LRRTM4: variants seen among roughly 807,000 people sequenced by gnomAD.
LRRTM4 encodes leucine rich repeat transmembrane neuronal 4.
A neutral mutation model predicts 47.6 loss-of-function variants in LRRTM4; 25 were observed. The observed-to-expected ratio is 0.53, with a 90% CI of 0.38 to 0.73. LRRTM4 has a LOEUF of 0.73. Ranked by LOEUF, LRRTM4 falls within the 30% of genes least tolerant of loss-of-function variation. The probability of loss-of-function intolerance (pLI) is 0.00; values close to 1 mark genes in which losing one functional copy is unlikely to be tolerated. For synonymous variants in LRRTM4, 311 were observed against 269.5 expected (o/e 1.15, Z -1.51); for missense variants, 638 against 713.4 (o/e 0.89, Z 1.20).
At chr2:77,021,855 ATTGT>A (rs1678283160) in intron 3 of LRRTM4, among the ~76,000 whole-genome samples, 1 of 152,192 alleles carries the variant, frequency 6.6e-6, no homozygotes, top group Non-Finnish European at 1.5e-5. Flanking sequence ...ATACACATAC[ATTGT>A]TTAATGATTG....
chr2:77,087,786 A>G (rs1680773214), intron 3 of LRRTM4, among the ~76,000 whole-genome samples: 6 of 152,250 alleles, frequency 3.9e-5, no homozygotes, highest in Admixed American at 3.3e-4. Context: ...TATGTAAAAT[A>G]AAATGTATAC....
intron 3 of LRRTM4, among the ~76,000 whole-genome samples, chr2:77,273,940 G>C (rs1676271559): frequency 6.6e-6 from 1 of 152,022 alleles, no homozygotes; most frequent in Non-Finnish European, 1.5e-5. Context: ...TCAGTAGTTA[G>C]AAAATTCTTA....
intron 3 of LRRTM4, among the ~76,000 whole-genome samples, chr2:77,218,675 G>C (rs528478372): frequency 6.6e-6 from 1 of 152,034 alleles, no homozygotes; most frequent in African/African-American, 2.4e-5. Flanking sequence ...ATCCTTCCTT[G>C]GTGGCATTAT....
chr2:76,833,739 T>C (rs1295006106), intron 3 of LRRTM4, among the ~76,000 whole-genome samples: 1 of 151,870 alleles, frequency 6.6e-6, no homozygotes, highest in Non-Finnish European at 1.5e-5. Flanking sequence ...ATGCTCAATG[T>C]AAAACATGTG....
intron 3 of LRRTM4, among the ~76,000 whole-genome samples, chr2:77,109,884 C>A (rs1252423341): frequency 1.3e-5 from 2 of 151,700 alleles, no homozygotes; most frequent in Non-Finnish European, 2.9e-5. Flanking sequence ...AGACAAATGT[C>A]TTAAAGAACA....
chr2:77,089,235 GTCT>G (rs920607953), intron 3 of LRRTM4, among the ~76,000 whole-genome samples: 5 of 60,162 alleles, frequency 8.3e-5, no homozygotes, highest in Admixed American at 1.6e-4. Context: ...CGAACCCCTT[GTCT>G]TCTTGTCTCT....
chr2:77,429,584 T>C (rs1441688083), intron 3 of LRRTM4, among the ~76,000 whole-genome samples: 1 of 152,126 alleles, frequency 6.6e-6, no homozygotes, highest in East Asian at 1.9e-4. Flanking sequence ...ATAACTTTAA[T>C]TGAAATAAGC....
At chr2:76,920,676 C>T (rs1364557925) in intron 3 of LRRTM4, among the ~76,000 whole-genome samples, 2 of 152,098 alleles carry the variant, frequency 1.3e-5, no homozygotes, top group East Asian at 3.9e-4. Flanking sequence ...TGTCTAAATA[C>T]AGAATAATGC....
chr2:77,241,047 G>A (rs2103989957), intron 3 of LRRTM4, among the ~76,000 whole-genome samples: 1 of 151,994 alleles, frequency 6.6e-6, no homozygotes, highest in African/African-American at 2.4e-5. Flanking sequence ...AAATAAAATT[G>A]AGAAGATGAT....
At chr2:77,333,643 G>A (rs940659739) in intron 3 of LRRTM4, among the ~76,000 whole-genome samples, 2 of 152,212 alleles carry the variant, frequency 1.3e-5, no homozygotes, top group African/African-American at 2.4e-5. Flanking sequence ...GTATGGAAAT[G>A]CCTGGATGTC....
rs774697360 is a variant in LRRTM4, at chr2:77,306,897, A to ATTTTTTTTTTTTTT, written c.1551+211407_1551+211420dup. ...AAATAGCTATATACTGCTTTTCCATATTTTTTTTTTTTTTTTTTTTGAGAT... is the reference window on the plus strand; with the variant it reads ...AAATAGCTATATACTGCTTTTCCATATTTTTTTTTTTTTTTTTTTTTTTTTTTTTTTTTTGAGAT... On this transcript the variant is annotated intron_variant, in intron 3 of 3. Coordinates refer to ENST00000409884, the MANE Select transcript of LRRTM4 (RefSeq NM_001134745.3). Among the ~76,000 whole-genome samples the ATTTTTTTTTTTTTT allele has an allele frequency of 1.3e-3, 147 of 112,396 alleles. 13 individuals are homozygous for ATTTTTTTTTTTTTT. Among genetic ancestry groups the ATTTTTTTTTTTTTT allele is most frequent in the African/African-American group, 5.6e-3 (129 of 23,116 alleles). 73.7% of individuals were successfully genotyped at this position (112,396 alleles called of 152,430 possible). A position where few individuals can be genotyped will look rare whatever the true frequency, so the allele number is the denominator to read the frequency against.
chr2:77,241,582 AACC>A (rs1675268421), intron 3 of LRRTM4, among the ~76,000 whole-genome samples: 1 of 151,934 alleles, frequency 6.6e-6, no homozygotes, highest in Non-Finnish European at 1.5e-5. Flanking sequence ...AAAAGAAAAT[AACC>A]TATTGAATAG....
At chr2:77,127,281 T>C (rs1183298232) in intron 3 of LRRTM4, among the ~76,000 whole-genome samples, 1 of 152,222 alleles carries the variant, frequency 6.6e-6, no homozygotes, top group East Asian at 1.9e-4. Context: ...TTAAATACTC[T>C]GTTACATGGC....
intron 3 of LRRTM4, among the ~76,000 whole-genome samples, chr2:76,797,070 A>G (rs970415179): frequency 6.6e-6 from 1 of 152,140 alleles, no homozygotes; most frequent in African/African-American, 2.4e-5. Context: ...AACTTCCCCA[A>G]TCTAGCAAGG....
intron 3 of LRRTM4, among the ~76,000 whole-genome samples, chr2:77,499,098 C>T (rs913300409): frequency 2.0e-5 from 3 of 151,828 alleles, no homozygotes; most frequent in Non-Finnish European, 4.4e-5. Context: ...GGTGATTTTG[C>T]TTTTGCTTAC....
chr2:77,382,859 G>A (rs1175978854), intron 3 of LRRTM4, among the ~76,000 whole-genome samples: 1 of 152,010 alleles, frequency 6.6e-6, no homozygotes, highest in Non-Finnish European at 1.5e-5. Context: ...GGTTGGTGAA[G>A]GACGAGCCAT....
chr2:77,127,382 A>G (rs1471859902), intron 3 of LRRTM4, among the ~76,000 whole-genome samples: 1 of 152,200 alleles, frequency 6.6e-6, no homozygotes, highest in Non-Finnish European at 1.5e-5. Context: ...ATTTAATTGC[A>G]TAAATCACAT....
intron 3 of LRRTM4, among the ~76,000 whole-genome samples, chr2:76,927,656 A>G (rs553836883): frequency 2.0e-5 from 3 of 152,162 alleles, no homozygotes; most frequent in Non-Finnish European, 4.4e-5. Flanking sequence ...TTAACAAACT[A>G]AGAGGTAGCA....
chr2:77,272,127 C>A (rs1676217802), intron 3 of LRRTM4, among the ~76,000 whole-genome samples: 1 of 152,120 alleles, frequency 6.6e-6, no homozygotes, highest in Non-Finnish European at 1.5e-5. Context: ...GCATTATAAT[C>A]ATTCCCTCTG....
Sources: allele counts gnomAD v4.1 joint callset (sites outside exome capture counted in the v4.1 genomes callset), GRCh38; gene constraint gnomAD v4.1.1; transcripts MANE v1.5; gene names NCBI Gene and HGNC (gene_info 2026-07-23, HGNC 2026-07-21).